Variants in NDUFAB1 observed in about 807,000 individuals in gnomAD.
NDUFAB1 encodes the protein acyl carrier protein, mitochondrial.
NDUFAB1 carries 5 observed loss-of-function variants against 16.1 expected under a neutral mutation model. The observed-to-expected ratio is 0.31, with a 90% CI of 0.16 to 0.65. The LOEUF is 0.65. Among genes scored for constraint, NDUFAB1 ranks in the 30% least tolerant of loss-of-function variants. NDUFAB1 has a pLI of 0.77. For synonymous variants in NDUFAB1, 85 were observed against 78.4 expected (o/e 1.08, Z -0.44); for missense variants, 187 against 205.3 (o/e 0.91, Z 0.54).
At chr16:23,595,362 CG>C in intron 1 of NDUFAB1, 2 of 355,368 alleles carry the variant, frequency 5.6e-6, no homozygotes, top group Non-Finnish European at 1.1e-5. Flanking sequence ...CAGGTACAGT[CG>C]TTCCTTGGTA....
At chr16:23,590,654 TCAGA>T (rs1488291111) in intron 1 of NDUFAB1, among the ~76,000 whole-genome samples, 1 of 151,174 alleles carries the variant, frequency 6.6e-6, no homozygotes, top group East Asian at 1.9e-4. Context: ...TTTTTTTTTT[TCAGA>T]CAGAGTCTCA....
intron 3 of NDUFAB1, among the ~76,000 whole-genome samples, chr16:23,584,429 T>A (rs1422236305): frequency 1.3e-5 from 2 of 151,484 alleles, no homozygotes; most frequent in African/African-American, 4.8e-5. Flanking sequence ...ACTCGGCACG[T>A]TCTCAAGGTT....
intron 1 of NDUFAB1, among the ~76,000 whole-genome samples, chr16:23,592,806 G>A (rs1966291734): frequency 6.6e-6 from 1 of 152,162 alleles, no homozygotes; most frequent in Non-Finnish European, 1.5e-5. Context: ...GTGACTAGTT[G>A]CTCTGAAGTT....
intron 3 of NDUFAB1, among the ~76,000 whole-genome samples, chr16:23,584,066 T>C (rs1012328541): frequency 5.1e-4 from 77 of 151,318 alleles, no homozygotes; most frequent in African/African-American, 1.1e-3. Context: ...GCAGCATGCT[T>C]GTTAAGAGTC....
At chr16:23,591,974 G>A (rs1180942243) in intron 1 of NDUFAB1, among the ~76,000 whole-genome samples, 1 of 152,190 alleles carries the variant, frequency 6.6e-6, no homozygotes, top group Non-Finnish European at 1.5e-5. Context: ...CCCAAAAGAA[G>A]CTTACACTCT....
At chr16:23,592,103 C>A (rs985379854) in intron 1 of NDUFAB1, among the ~76,000 whole-genome samples, 6 of 152,042 alleles carry the variant, frequency 3.9e-5, no homozygotes, top group Admixed American at 1.3e-4. Flanking sequence ...CTTGAGTGGC[C>A]GGAAAGGAGG....
intron 1 of NDUFAB1, among the ~76,000 whole-genome samples, chr16:23,591,567 T>C (rs1966279331): frequency 6.6e-6 from 1 of 152,210 alleles, no homozygotes; most frequent in Admixed American, 6.5e-5. Flanking sequence ...CTCTGTTCCT[T>C]CTCCGCCACC....
chr16:23,595,546 T>A (rs1266654636), intron 1 of NDUFAB1: 1 of 455,178 alleles, frequency 2.2e-6, no homozygotes, highest in African/African-American at 2.0e-5. Flanking sequence ...CGCATATAAG[T>A]GGACCCGCGC....
intron 2 of NDUFAB1, among the ~76,000 whole-genome samples, chr16:23,586,052 C>T (rs1966229999): frequency 6.6e-6 from 1 of 151,548 alleles, no homozygotes; most frequent in Non-Finnish European, 1.5e-5. Flanking sequence ...CTCAGACTCC[C>T]GAGTAGCTGG....
chr16:23,586,682 C>T (rs1966236029), intron 2 of NDUFAB1, among the ~76,000 whole-genome samples: 1 of 151,032 alleles, frequency 6.6e-6, no homozygotes, highest in Non-Finnish European at 1.5e-5. Flanking sequence ...GAGTTTCACT[C>T]TTGTTGCCTA....
At chr16:23,593,815 A>G (rs1392131048) in intron 1 of NDUFAB1, among the ~76,000 whole-genome samples, 4 of 152,192 alleles carry the variant, frequency 2.6e-5, no homozygotes, top group Non-Finnish European at 5.9e-5. Context: ...TAGGAACCAG[A>G]CACTCATCAA....
chr16:23,590,461 A>G (rs536325027), intron 1 of NDUFAB1, among the ~76,000 whole-genome samples: 21 of 152,312 alleles, frequency 1.4e-4, no homozygotes, highest in Non-Finnish European at 2.6e-4. Context: ...GTGAAGCATC[A>G]GTGAGATGAA....
At chr16:23,584,780 G>C (rs1305801938) in intron 3 of NDUFAB1, among the ~76,000 whole-genome samples, 1 of 152,172 alleles carries the variant, frequency 6.6e-6, no homozygotes, top group African/African-American at 2.4e-5. Flanking sequence ...CTGCTCTGCA[G>C]AACAGCACAG....
At chr16:23,583,126 T>A (rs998510042) in intron 3 of NDUFAB1, among the ~76,000 whole-genome samples, 49 of 152,382 alleles carry the variant, frequency 3.2e-4, no homozygotes, top group African/African-American at 1.1e-3. Flanking sequence ...GTGCACAATG[T>A]TGCCCAGGCT....
rs74841058 is a variant in NDUFAB1, at chr16:23,590,166, C to T, written c.169-2847G>A. Among the ~76,000 whole-genome samples the T allele has an allele frequency of 6.3e-3, 964 of 152,260 alleles. 11 individuals are homozygous for T. Among genetic ancestry groups the T allele is most frequent in the African/African-American group, 0.022 (932 of 41,544 alleles). ...TTGTCAGCATTGTCCTCAGCAGCTC[C>T]AGCAAGTACCTACAAGGGCCAGGTG... On this transcript the variant is annotated intron_variant, in intron 1 of 4. Coordinates refer to ENST00000007516, the MANE Select transcript of NDUFAB1 (RefSeq NM_005003.3).
chr16:23,584,255 TAA>T (rs58853102), intron 3 of NDUFAB1, among the ~76,000 whole-genome samples: 1,545 of 34,064 alleles, frequency 0.045, 255 homozygotes, highest in South Asian at 0.088. Flanking sequence ...AATGATCAAT[TAA>T]AAAAAAAAAA....
chr16:23,589,963 AAAG>A (rs1966265295), intron 1 of NDUFAB1, among the ~76,000 whole-genome samples: 4 of 126,054 alleles, frequency 3.2e-5, no homozygotes, highest in African/African-American at 9.2e-5. Context: ...AAAAAAAAAA[AAAG>A]AAATGGTACG....
intron 1 of NDUFAB1, among the ~76,000 whole-genome samples, chr16:23,589,578 T>C (rs1302928887): frequency 2.0e-5 from 3 of 152,064 alleles, no homozygotes; most frequent in East Asian, 3.9e-4. Context: ...AATGAGGTAA[T>C]ATGGCAATGG....
intron 1 of NDUFAB1, among the ~76,000 whole-genome samples, chr16:23,593,480 C>T (rs1966296451): frequency 6.6e-6 from 1 of 152,220 alleles, no homozygotes; most frequent in Non-Finnish European, 1.5e-5. Flanking sequence ...TCCTGGCACA[C>T]AGCTGGCCCT....
Sources: allele counts gnomAD v4.1 joint callset (sites outside exome capture counted in the v4.1 genomes callset), GRCh38; gene constraint gnomAD v4.1.1; transcripts MANE v1.5; gene names NCBI Gene and HGNC (gene_info 2026-07-23, HGNC 2026-07-21).